The following ALG9 variants were observed in gnomAD, a reference collection of about 807,000 sequenced individuals.
The protein encoded by ALG9 is alpha-1,2-mannosyltransferase ALG9.
In ALG9, 55 loss-of-function variants were observed where a neutral mutation model predicts 81.8. The ratio of observed to expected loss-of-function variants is 0.67; its 90% confidence interval spans 0.54 to 0.84. The LOEUF (loss-of-function observed/expected upper bound fraction) is 0.84, where lower values mean the gene tolerates loss of function less well. Ranked by LOEUF, ALG9 falls within the 40% of genes least tolerant of loss-of-function variation. ALG9 has a pLI of 0.00. For missense variants in ALG9, 629 were observed against 745.0 expected (o/e 0.84, Z 1.81); for synonymous variants, 278 against 274.3 (o/e 1.01, Z -0.13).
chr11:111,859,940 T>G (rs1182195900), intron 5 of ALG9, among the ~76,000 whole-genome samples: 2 of 152,138 alleles, frequency 1.3e-5, no homozygotes, highest in African/African-American at 4.8e-5. Flanking sequence ...CCAACTTGAT[T>G]CAGCTTATAC....
At chr11:111,798,269 C>A in intron 14 of ALG9, 1 of 253,654 alleles carries the variant, frequency 3.9e-6, no homozygotes, top group Non-Finnish European at 8.0e-6. Context: ...GCAGAGCAAG[C>A]AAGACAAAAG....
Position 111,865,355 on chromosome 11 carries a change from T to C in ALG9, c.406-104A>G, listed in dbSNP as rs995269128. ...TATTGTCAATAACACTGTAAATTGG[T>C]ATAATTCTTTTGAAAAGCAACATGG... On this transcript the variant is annotated intron_variant, in intron 3 of 14. Transcript: ENST00000616540. The C allele has an allele frequency of 2.3e-5, 20 of 876,426 alleles. No individual in the cohort carries two copies. In the African/African-American group the frequency reaches 3.3e-4, roughly 14 times the overall value. The allele number at this position is 876,426 out of a possible 1,614,324, so 54.3% of individuals were successfully genotyped here.
At chr11:111,857,823 C>A (rs1555144621) in intron 5 of ALG9, 86 bp from the exon 6 acceptor site, 3 of 1,466,944 alleles carry the variant, frequency 2.0e-6, no homozygotes. Flanking sequence ...TAAAAATTTA[C>A]CTACATTATA....
chr11:111,806,684 T>C (rs1309718446), intron 14 of ALG9, among the ~76,000 whole-genome samples: 2 of 152,170 alleles, frequency 1.3e-5, no homozygotes, highest in South Asian at 2.1e-4. Flanking sequence ...ATCATCTAAA[T>C]GCCAATAGTT....
downstream of ALG9, among the ~76,000 whole-genome samples, chr11:111,781,581 C>A (rs1945940899): frequency 6.6e-6 from 1 of 152,174 alleles, no homozygotes; most frequent in East Asian, 1.9e-4. Context: ...TAAGATGGAT[C>A]CAGGACTTCA....
chr11:111,803,339 T>TA (rs1949418263), intron 14 of ALG9, among the ~76,000 whole-genome samples: 2 of 151,700 alleles, frequency 1.3e-5, no homozygotes, highest in South Asian at 4.2e-4. Flanking sequence ...CCATCTCCAC[T>TA]AAAAATACAA....
Position 111,864,128 on chromosome 11 carries a change from T to C in ALG9, c.476+1053A>G, listed in dbSNP as rs982475543. The C allele has an allele frequency of 1.0e-5, 5 of 490,980 alleles. No homozygotes were observed. In the East Asian group the frequency reaches 1.7e-4, roughly 17 times the overall value. The allele number at this position is 490,980 out of a possible 1,614,324, so 30.4% of individuals were successfully genotyped here. ...CAAAACCCACCTGTACCCCAAAAAC[T>C]ATTGAAAAATAAAAATTAAAAAAAG... On this transcript the variant is annotated intron_variant, in intron 4 of 14. Coordinates refer to ENST00000616540, the MANE Select transcript of ALG9 (RefSeq NM_024740.2).
chr11:111,812,442 C>T (rs1950866544), intron 13 of ALG9, among the ~76,000 whole-genome samples: 1 of 152,046 alleles, frequency 6.6e-6, no homozygotes, highest in Non-Finnish European at 1.5e-5. Context: ...TGGTATGTAC[C>T]AATAGTCCTA....
intron 14 of ALG9, among the ~76,000 whole-genome samples, chr11:111,794,070 A>G (rs1555073066): frequency 6.6e-6 from 1 of 152,234 alleles, no homozygotes; most frequent in African/African-American, 2.4e-5. Context: ...TTGCCTGCAC[A>G]GCATAATTAG....
intron 13 of ALG9, among the ~76,000 whole-genome samples, chr11:111,835,289 A>G (rs1955045953): frequency 6.6e-6 from 1 of 152,246 alleles, no homozygotes; most frequent in South Asian, 2.1e-4. Flanking sequence ...AAGGAGCATT[A>G]TCTTTATTAC....
intron 1 of ALG9, chr11:111,870,953 G>A (rs546447161): frequency 3.0e-6 from 3 of 1,013,436 alleles, no homozygotes; most frequent in Non-Finnish European, 2.4e-6. Context: ...GCAGCCTCCA[G>A]GGTTTGGGAA....
intron 14 of ALG9, among the ~76,000 whole-genome samples, chr11:111,802,833 C>T (rs1949335712): frequency 6.6e-6 from 1 of 152,186 alleles, no homozygotes; most frequent in African/African-American, 2.4e-5. Flanking sequence ...TCTGTAGCTT[C>T]TGTGTCTCTC....
intron 3 of ALG9, among the ~76,000 whole-genome samples, chr11:111,866,265 C>T (rs1293187015): frequency 1.3e-5 from 2 of 152,164 alleles, no homozygotes; most frequent in Non-Finnish European, 2.9e-5. Flanking sequence ...CCACTGCACT[C>T]CAGCCTGGCG....
intron 13 of ALG9, 79 bp from the exon 14 acceptor site, chr11:111,809,852 A>T: frequency 6.6e-7 from 1 of 1,524,186 alleles, no homozygotes; most frequent in South Asian, 1.1e-5. Context: ...TGCAATCCTA[A>T]AAATTTACAG....
chr11:111,799,163 G>A lies in ALG9; in HGVS notation c.1733+10480C>T, dbSNP rs1214119365. The stretch of plus-strand genomic sequence containing the variant: ...ATAACTCACAGTATAATTTTTTTTT[G>A]TATTGAGACAGTCTCGCTCTGTCAC... On this transcript the variant is annotated intron_variant, in intron 14 of 14. Coordinates refer to ENST00000616540, the MANE Select transcript of ALG9 (RefSeq NM_024740.2). 4.0e-5 allele frequency among the ~76,000 whole-genome samples: 6 copies of A among 151,792 alleles called. No individual in the cohort carries two copies. In the South Asian group the frequency reaches 1.0e-3, roughly 26 times the overall value.
chr11:111,774,069 T>TAAAAAAAAAAAAAAAAAAAAA, the ALG9 span, among the ~76,000 whole-genome samples: 5 of 69,734 alleles, frequency 7.2e-5, no homozygotes, highest in Non-Finnish European at 7.9e-5. Context: ...CATATCTTAT[T>TAAAAAAAAAAAAAAAAAAAAA]AAAAAAAAAA....
In ALG9 at chr11:111,784,985, G is replaced by T. The variant is rs782226935; in HGVS notation, c.*1412C>A. The T allele has an allele frequency of 6.6e-6, 1 of 152,646 alleles. No homozygotes were observed. The highest frequency in any genetic ancestry group is 1.5e-5 in the Non-Finnish European group (1 of 68,048). 9.5% of individuals were successfully genotyped at this position (152,646 alleles called of 1,614,324 possible). On this transcript the variant is annotated 3_prime_UTR_variant, in exon 15 of 15. Coordinates refer to ENST00000616540, the MANE Select transcript of ALG9 (RefSeq NM_024740.2). ...ACACAGGCAGACTGGAGGCTCCAAA[G>T]AACTCAAATACAGACACAATTCTTC... is the stretch of plus-strand genomic sequence containing the variant.
intron 1 of ALG9, 146 bp downstream of exon 1, chr11:111,871,206 A>G (rs2137310091): frequency 7.6e-7 from 1 of 1,308,160 alleles, no homozygotes; most frequent in East Asian, 3.2e-5. Flanking sequence ...AGGAAGACCA[A>G]TAGGACCTAG....
At chr11:111,849,218 T>C (rs952731771) in intron 8 of ALG9, among the ~76,000 whole-genome samples, 3 of 152,036 alleles carry the variant, frequency 2.0e-5, no homozygotes, top group African/African-American at 7.2e-5. Context: ...GCCCAGCTAA[T>C]TTTTGTATTT....
Sources: gnomAD v4.1 joint callset for allele counts (sites outside exome capture counted in the v4.1 genomes callset) on GRCh38, gnomAD v4.1.1 for gene constraint, MANE v1.5 for transcripts, NCBI Gene and HGNC (gene_info 2026-07-23, HGNC 2026-07-21) for gene names.